CAMK4: variants seen among roughly 807,000 people sequenced by gnomAD.
CAMK4 encodes calcium/calmodulin-dependent protein kinase type IV.
A neutral mutation model predicts 44.9 loss-of-function variants in CAMK4; 22 were observed. That is an observed-to-expected ratio of 0.49 (90% CI 0.35 to 0.70). The LOEUF is 0.70. CAMK4 is among the 30% of genes least tolerant of loss of function. The pLI, the probability that CAMK4 is intolerant of heterozygous loss-of-function variation, is 0.01. For missense variants in CAMK4, 498 were observed against 586.8 expected (o/e 0.85, Z 1.56); for synonymous variants, 218 against 215.4 (o/e 1.01, Z -0.11).
intron 5 of CAMK4, among the ~76,000 whole-genome samples, chr5:111,412,758 C>T (rs1018730485): frequency 1.3e-5 from 2 of 152,194 alleles, no homozygotes; most frequent in Non-Finnish European, 2.9e-5. Context: ...CCATAAGACA[C>T]AGCTACCAGT....
chr5:111,418,539 C>T (rs552726184), intron 5 of CAMK4, among the ~76,000 whole-genome samples: 2 of 152,022 alleles, frequency 1.3e-5, no homozygotes, highest in East Asian at 3.9e-4. Flanking sequence ...TGTGCTGAAC[C>T]CATTAACTCG....
At chr5:111,386,689 A>G (rs1185702445) in intron 4 of CAMK4, among the ~76,000 whole-genome samples, 2 of 152,344 alleles carry the variant, frequency 1.3e-5, no homozygotes, top group African/African-American at 2.4e-5. Context: ...TGGGAAGAAA[A>G]ACACACCAAC....
intron 1 of CAMK4, among the ~76,000 whole-genome samples, chr5:111,328,001 G>A (rs1175827833): frequency 9.6e-6 from 1 of 104,018 alleles, no homozygotes; most frequent in Non-Finnish European, 1.9e-5. Context: ...CTGTGCAGAA[G>A]CTCTTTAATT....
chr5:111,478,626 A>G, intron 9 of CAMK4, 119 bp downstream of exon 9: 1 of 477,618 alleles, frequency 2.1e-6, no homozygotes, highest in Non-Finnish European at 3.7e-6. Context: ...TTTCAATTTT[A>G]AAGTATTTTA....
chr5:111,478,408 T>C lies in CAMK4; in HGVS notation c.729T>C (p.Asp243=), dbSNP rs1478330360. 6.3e-7 allele frequency: 1 copy of C among 1,576,258 alleles called. No homozygotes were observed. The highest frequency in any genetic ancestry group is 2.3e-5 in the East Asian group (1 of 44,128). Residue 243 remains aspartate, a synonymous_variant, in exon 9 of 11, where the codon GAT becomes GAC. Coordinates refer to ENST00000282356, the MANE Select transcript of CAMK4 (RefSeq NM_001744.6). The part of the protein sequence containing the change: ...ILLCGFEPFY[D]ERGDQFMFRR... ...TTTGTGGATTTGAACCATTCTATGATGAAAGAGGCGATCAGTTCATGTTCA... is the reference window on the plus strand; with the variant it reads ...TTTGTGGATTTGAACCATTCTATGACGAAAGAGGCGATCAGTTCATGTTCA...
intron 5 of CAMK4, among the ~76,000 whole-genome samples, chr5:111,395,097 T>G (rs1264726643): frequency 3.3e-5 from 5 of 150,848 alleles, no homozygotes; most frequent in African/African-American, 1.2e-4. Flanking sequence ...TAATTCCAAC[T>G]ACTTCAGGGG....
At chr5:111,454,672 C>T (rs565138414) in intron 7 of CAMK4, among the ~76,000 whole-genome samples, 63 of 145,532 alleles carry the variant, frequency 4.3e-4, no homozygotes, top group African/African-American at 1.4e-3. Flanking sequence ...AAGAAAAAAT[C>T]GATCAGGCCA....
At chr5:111,348,963 T>A (rs1416421139) in intron 2 of CAMK4, among the ~76,000 whole-genome samples, 1 of 152,056 alleles carries the variant, frequency 6.6e-6, no homozygotes, top group Non-Finnish European at 1.5e-5. Context: ...CCACTTTTTA[T>A]TGTATTGAAA....
intron 2 of CAMK4, among the ~76,000 whole-genome samples, chr5:111,369,350 C>T (rs1750918224): frequency 6.6e-6 from 1 of 152,016 alleles, no homozygotes; most frequent in Non-Finnish European, 1.5e-5. Flanking sequence ...CAGGCGTGAG[C>T]CACTACACCC....
intron 1 of CAMK4, among the ~76,000 whole-genome samples, chr5:111,308,120 G>A (rs1226110292): frequency 8.3e-6 from 1 of 120,818 alleles, no homozygotes; most frequent in Non-Finnish European, 1.7e-5. Context: ...GGAGGGGGGA[G>A]GGATAGCATT....
intron 1 of CAMK4, among the ~76,000 whole-genome samples, chr5:111,312,137 G>T (rs1037524370): frequency 2.0e-5 from 3 of 152,066 alleles, no homozygotes; most frequent in African/African-American, 2.4e-5. Context: ...TCATTGTGAG[G>T]TGATGCACCC....
intron 1 of CAMK4, among the ~76,000 whole-genome samples, chr5:111,230,084 G>C (rs554623600): frequency 6.6e-6 from 1 of 152,128 alleles, no homozygotes; most frequent in Non-Finnish European, 1.5e-5. Context: ...TCCTGATGTC[G>C]TAGTGATATT....
intron 1 of CAMK4, among the ~76,000 whole-genome samples, chr5:111,258,445 T>A (rs1749832223): frequency 6.6e-6 from 1 of 152,174 alleles, no homozygotes; most frequent in African/African-American, 2.4e-5. Context: ...TCCACATGGC[T>A]GGGGAGGCCT....
rs1032606250 is a variant in CAMK4 at position 111,488,483 on chromosome 5, T to C, written c.*4017T>C. ...TTACTGTGACTTCAATTTCATAGTATTTTAAACATATTTTGTAATTCAGAA... is the reference window on the plus strand; with the variant it reads ...TTACTGTGACTTCAATTTCATAGTACTTTAAACATATTTTGTAATTCAGAA... On this transcript the variant is annotated 3_prime_UTR_variant, in exon 11 of 11. Coordinates refer to ENST00000282356, the MANE Select transcript of CAMK4 (RefSeq NM_001744.6). 2 of 152,242 alleles carry C rather than the reference T, an allele frequency of 1.3e-5. No individual in the cohort carries two copies. The highest frequency in any genetic ancestry group is 4.8e-5 in the African/African-American group (2 of 41,476). The allele number at this position is 152,242 out of a possible 1,614,324, so 9.4% of individuals were successfully genotyped here.
At chr5:111,387,549 C>G (rs1475341544) in intron 4 of CAMK4, among the ~76,000 whole-genome samples, 1 of 152,226 alleles carries the variant, frequency 6.6e-6, no homozygotes, top group Non-Finnish European at 1.5e-5. Context: ...ATCCACACAG[C>G]TGTTCTTCCT....
At chr5:111,250,300 G>C (rs1749431378) in intron 1 of CAMK4, among the ~76,000 whole-genome samples, 1 of 152,204 alleles carries the variant, frequency 6.6e-6, no homozygotes, top group Non-Finnish European at 1.5e-5. Flanking sequence ...AGAGAGCTTA[G>C]GGAGAGAATC....
chr5:111,452,026 A>T (rs975432766), intron 7 of CAMK4, among the ~76,000 whole-genome samples: 2 of 152,218 alleles, frequency 1.3e-5, no homozygotes, highest in African/African-American at 4.8e-5. Flanking sequence ...TAAGCATTTT[A>T]TAATATTGTT....
chr5:111,356,643 C>T (rs1185512721), intron 2 of CAMK4, among the ~76,000 whole-genome samples: 1 of 152,194 alleles, frequency 6.6e-6, no homozygotes, highest in East Asian at 1.9e-4. Flanking sequence ...TTAGGTCTAA[C>T]ATGTAAGTCT....
chr5:111,231,284 A>G (rs1748462577), intron 1 of CAMK4, among the ~76,000 whole-genome samples: 1 of 152,140 alleles, frequency 6.6e-6, no homozygotes, highest in Non-Finnish European at 1.5e-5. Context: ...ATGCAAGTAG[A>G]CCTTCCTCTT....
Sources: allele counts gnomAD v4.1 joint callset (sites outside exome capture counted in the v4.1 genomes callset), GRCh38; gene constraint gnomAD v4.1.1; transcripts MANE v1.5; gene names NCBI Gene and HGNC (gene_info 2026-07-23, HGNC 2026-07-21).